The following CYP2U1 variants were observed in gnomAD, a reference collection of about 807,000 sequenced individuals.
CYP2U1 encodes the protein cytochrome P450 family 2 subfamily U member 1.
In CYP2U1, 28 loss-of-function variants were observed where a neutral mutation model predicts 42.8. That is an observed-to-expected ratio of 0.65 (90% CI 0.48 to 0.90). The LOEUF is 0.90. Among genes scored for constraint, CYP2U1 ranks in the 40% least tolerant of loss-of-function variants. CYP2U1 has a pLI of 0.00. For missense variants in CYP2U1, 642 were observed against 693.8 expected, an observed-to-expected ratio of 0.93 and a Z score of 0.84; for synonymous variants, 296 against 278.9, an observed-to-expected ratio of 1.06 and a Z score of -0.61.
At position 107,950,408 on chromosome 4, in the gene CYP2U1, T is replaced by C; in HGVS notation, c.1620T>C (p.Thr540=). 1 of 1,607,286 alleles carries C rather than the reference T, an allele frequency of 6.2e-7. No individual in the cohort carries two copies. The highest frequency in any genetic ancestry group is 8.5e-7 in the Non-Finnish European group (1 of 1,178,386). ...TAGCCCCACATCCATTTAATATAAC[T>C]ATTTCAAGGAGATGAAGAGCATCTC... ...LTLAPHPFNI[T]ISRR The change falls in exon 5 of 5, where the codon ACT becomes ACC. Residue 540 remains threonine, a synonymous_variant. Transcript: ENST00000332884.
Position 107,949,402 on chromosome 4 carries a change from G to T in CYP2U1, c.1341G>T (p.Trp447Cys), listed in dbSNP as rs1733830532. ...GCACATTGATCTTACCCAACCTGTG[G>T]TCAGTACATAGAGACCCAGCCATTT... Reference protein sequence around the residue: ...PKGTLILPNLWSVHRDPAIWE... With the variant: ...PKGTLILPNLCSVHRDPAIWE... The change falls in exon 4 of 5, where the codon TGG (tryptophan) becomes TGT (cysteine). Residue 447 changes from tryptophan (W) to cysteine (C), a missense_variant. Transcript: ENST00000332884. The T allele has an allele frequency of 6.2e-7, 1 of 1,603,142 alleles. No individual in the cohort carries two copies. Among genetic ancestry groups the T allele is most frequent in the South Asian group, 1.1e-5 (1 of 88,698 alleles).
chr4:107,944,372 A>G (rs1733605234), intron 1 of CYP2U1, among the ~76,000 whole-genome samples: 2 of 152,042 alleles, frequency 1.3e-5, no homozygotes, highest in African/African-American at 4.8e-5. Flanking sequence ...GCATGATCAT[A>G]GTGGACTGCA....
chr4:107,947,613 G>A (rs984580413), intron 3 of CYP2U1, 76 bp downstream of exon 3: 11 of 1,465,596 alleles, frequency 7.5e-6, no homozygotes, highest in African/African-American at 1.4e-5. Context: ...TGAGGTGAGG[G>A]GTGTGGTGAC....
rs181371285 is a variant in CYP2U1, at chr4:107,953,417, A to T, written c.*2994A>T. ...ACCTAATATCTCATTTTTGATTCTC[A>T]TCGTTAGCACAGTTTTGTTGCTTTT... On this transcript the variant is annotated 3_prime_UTR_variant, in exon 5 of 5. Coordinates refer to ENST00000332884, the MANE Select transcript of CYP2U1 (RefSeq NM_183075.3). 6.6e-6 allele frequency: 1 copy of T among 152,338 alleles called. No homozygotes were observed. The highest frequency in any genetic ancestry group is 1.9e-4 in the East Asian group (1 of 5,188). 9.4% of individuals were successfully genotyped at this position (152,338 alleles called of 1,614,324 possible).
At chr4:107,946,947 T>A (rs1337865046) in intron 2 of CYP2U1, among the ~76,000 whole-genome samples, 2 of 151,954 alleles carry the variant, frequency 1.3e-5, no homozygotes, top group African/African-American at 4.8e-5. Flanking sequence ...TCACCCTTAC[T>A]CTCTTGGTCA....
intron 1 of CYP2U1, chr4:107,941,133 A>T (rs996103469): frequency 6.6e-6 from 1 of 152,132 alleles, no homozygotes. Flanking sequence ...CATTCATGAT[A>T]AATGGATCCA....
chr4:107,943,409 G>C lies in CYP2U1; in HGVS notation c.491-1561G>C, dbSNP rs148252575. On this transcript the variant is annotated intron_variant, in intron 1 of 4. Coordinates refer to ENST00000332884, the MANE Select transcript of CYP2U1 (RefSeq NM_183075.3). ...AAATAAATATCACACATAATCTTTA[G>C]AAATTCGCCTCCCATGCGTCCTTTC... Among the ~76,000 whole-genome samples, 698 of 152,296 alleles carry C rather than the reference G, an allele frequency of 4.6e-3. 7 individuals carry two copies. The highest frequency in any genetic ancestry group is 0.016 in the African/African-American group (654 of 41,560).
At chr4:107,933,260 A>G (rs1733113167) in intron 1 of CYP2U1, among the ~76,000 whole-genome samples, 2 of 152,238 alleles carry the variant, frequency 1.3e-5, no homozygotes, top group South Asian at 2.1e-4. Flanking sequence ...GATGGTAGCA[A>G]TGGTTGCACA....
intron 1 of CYP2U1, among the ~76,000 whole-genome samples, chr4:107,932,788 C>A (rs546779206): frequency 6.6e-6 from 1 of 152,242 alleles, no homozygotes; most frequent in African/African-American, 2.4e-5. Context: ...TTTTCTGAGT[C>A]ACTCCTACGC....
At chr4:107,942,975 A>C (rs899368850) in intron 1 of CYP2U1, among the ~76,000 whole-genome samples, 10 of 152,244 alleles carry the variant, frequency 6.6e-5, no homozygotes, top group Non-Finnish European at 1.3e-4. Flanking sequence ...CCATTTAGAA[A>C]CTTAAAAAAT....
chr4:107,933,967 T>A (rs1346446844), intron 1 of CYP2U1, among the ~76,000 whole-genome samples: 1 of 152,210 alleles, frequency 6.6e-6, no homozygotes, highest in Non-Finnish European at 1.5e-5. Context: ...CATCCATTGA[T>A]AGACACTTGT....
chr4:107,933,508 C>T (rs542364855), intron 1 of CYP2U1, among the ~76,000 whole-genome samples: 3 of 152,176 alleles, frequency 2.0e-5, no homozygotes, highest in Non-Finnish European at 4.4e-5. Flanking sequence ...GTATTATGAT[C>T]TTTATCCCTA....
intron 1 of CYP2U1, among the ~76,000 whole-genome samples, chr4:107,941,730 G>T (rs907876129): frequency 6.6e-6 from 1 of 151,784 alleles, no homozygotes; most frequent in African/African-American, 2.4e-5. Context: ...TATTTATTAA[G>T]ATAGAGGTCT....
At position 107,931,936 on chromosome 4, in the gene CYP2U1, C is replaced by G. The variant is rs1344786024; in HGVS notation, c.293C>G (p.Pro98Arg). The change falls in exon 1 of 5, where the codon CCC becomes CGC. Residue 98 changes from proline to arginine, a missense_variant. Coordinates refer to ENST00000332884, the MANE Select transcript of CYP2U1 (RefSeq NM_183075.3). The part of the protein sequence containing the change: ...SSRTRAAGID[P>R]SVIGPQVLLA... ...AGGACCAGGGCCGCAGGGATTGATC[C>G]CTCGGTCATAGGCCCGCAGGTGCTC... 6.4e-7 allele frequency: 1 copy of G among 1,551,378 alleles called. No individual in the cohort carries two copies. The highest frequency in any genetic ancestry group is 1.4e-5 in the African/African-American group (1 of 73,200).
rs576190044 is a variant in CYP2U1 at position 107,952,157 on chromosome 4, A to G, written c.*1734A>G. 1.3e-5 allele frequency: 2 copies of G among 152,332 alleles called. No homozygotes were observed. The highest frequency in any genetic ancestry group is 4.8e-5 in the African/African-American group (2 of 41,570). The allele number at this position is 152,332 out of a possible 1,614,324, so 9.4% of individuals were successfully genotyped here. ...CTTGTGAATGACTTTTAAGAAGTGT[A>G]CTTAAGAGAAAAATCCTACCTTATT... is the stretch of plus-strand genomic sequence containing the variant. On this transcript the variant is annotated 3_prime_UTR_variant, in exon 5 of 5. Coordinates refer to ENST00000332884, the MANE Select transcript of CYP2U1 (RefSeq NM_183075.3).
Position 107,950,509 on chromosome 4 carries a change from T to C in CYP2U1, c.*86T>C. On this transcript the variant is annotated 3_prime_UTR_variant, in exon 5 of 5. Transcript: ENST00000332884. ...TCTTCCTACTGCAAAGGACAGTGAA[T>C]CCAGCAACTCAGTGGATCCAAGCTG... The C allele has an allele frequency of 1.5e-6, 2 of 1,375,890 alleles. No homozygotes were observed. Among genetic ancestry groups the C allele is most frequent in the Non-Finnish European group, 1.9e-6 (2 of 1,037,170 alleles). The allele number at this position is 1,375,890 out of a possible 1,614,324, so 85.2% of individuals were successfully genotyped here.
At chr4:107,942,776 A>G (rs1407445295) in intron 1 of CYP2U1, among the ~76,000 whole-genome samples, 1 of 152,232 alleles carries the variant, frequency 6.6e-6, no homozygotes, top group Non-Finnish European at 1.5e-5. Flanking sequence ...AGGTAGCAAT[A>G]CCTAACACAA....
intron 1 of CYP2U1, 161 bp downstream of exon 1, chr4:107,932,294 C>T: frequency 2.5e-6 from 2 of 806,732 alleles, no homozygotes; most frequent in African/African-American, 1.9e-5. Flanking sequence ...GGCGCTTCTC[C>T]TTTCTGATGC....
chr4:107,931,699 G>A lies in CYP2U1; in HGVS notation c.56G>A (p.Arg19His). The change falls in exon 1 of 5, where the codon CGC becomes CAC. Residue 19 changes from arginine (R) to histidine (H), a missense_variant. Physicochemically the swap from Arg to His is conservative, Grantham distance 29 (BLOSUM62 0). Transcript: ENST00000332884. Reference sequence around the variant, plus strand: ...GCCGAGGACCCGCCCTGGCCCGCGCGCCTCCTGCGTGCGCCTCTGGGGCTG... The same window carrying A: ...GCCGAGGACCCGCCCTGGCCCGCGCACCTCCTGCGTGCGCCTCTGGGGCTG... ...PPAEDPPWPA[R>H]LLRAPLGLLR... The A allele has an allele frequency of 7.5e-7, 1 of 1,341,954 alleles. No individual in the cohort carries two copies. Among genetic ancestry groups the A allele is most frequent in the South Asian group, 2.0e-5 (1 of 49,946 alleles). 83.1% of individuals were successfully genotyped at this position (1,341,954 alleles called of 1,614,324 possible). A position where few individuals can be genotyped will look rare whatever the true frequency, so the allele number is the denominator to read the frequency against.
Sources: allele counts gnomAD v4.1 joint callset (sites outside exome capture counted in the v4.1 genomes callset), GRCh38; gene constraint gnomAD v4.1.1; transcripts MANE v1.5; gene names NCBI Gene and HGNC (gene_info 2026-07-23, HGNC 2026-07-21).